The following CHD7 variants were observed in gnomAD, a reference collection of about 807,000 sequenced individuals.
CHD7 encodes the protein chromodomain helicase DNA binding protein 7, also known as ATP-dependent chromatin remodeler CHD7.
CHD7 carries 24 observed loss-of-function variants against 307.3 expected under a neutral mutation model. That is an observed-to-expected ratio of 0.08 (90% CI 0.06 to 0.11). The LOEUF (loss-of-function observed/expected upper bound fraction) is 0.11. Ranked by LOEUF, CHD7 falls within the 10% of genes least tolerant of loss-of-function variation. The pLI is 1.00. For synonymous variants in CHD7, 1,363 were observed against 1,349.9 expected (o/e 1.01, Z -0.21); for missense variants, 3,106 against 3,727.1 (o/e 0.83, Z 4.34).
chr8:60,812,188 A>T (rs1055059097), intron 7 of CHD7, among the ~76,000 whole-genome samples: 8 of 152,222 alleles, frequency 5.3e-5, no homozygotes, highest in African/African-American at 1.7e-4. Flanking sequence ...TTCTAGCTTT[A>T]GTGTCATAGC....
chr8:60,853,351 C>T lies in CHD7; in HGVS notation c.6626C>T (p.Ala2209Val), dbSNP rs1405897510. 1 of 1,582,938 alleles carries T rather than the reference C, an allele frequency of 6.3e-7. No homozygotes were observed. Among genetic ancestry groups the T allele is most frequent in the African/African-American group, 1.4e-5 (1 of 73,606 alleles). The change falls in exon 31 of 38, where the codon GCA (alanine) becomes GTA (valine). Residue 2209 changes from alanine (A) to valine (V), a missense_variant. By Grantham distance (64) the Ala-to-Val change is moderately conservative. Around this residue, in one of 10 missense-constraint regions of CHD7, gnomAD observed 1,030 missense variants for 1,165.4 expected, o/e 0.88. Transcript: ENST00000423902. ...SGKESKQECE[A>V]EASSVKNELK... ...AAGGAGAGCAAGCAGGAATGTGAGG[C>T]AGAGGCCAGCTCTGTGAAAAATGAA...
intron 13 of CHD7, 64 bp downstream of exon 13, chr8:60,824,080 G>A (rs766185223): frequency 1.9e-5 from 27 of 1,424,338 alleles, no homozygotes; most frequent in Admixed American, 1.1e-4. Context: ...TGATAGTCCC[G>A]TTGCTCAGAA....
intron 1 of CHD7, among the ~76,000 whole-genome samples, chr8:60,682,344 T>A (rs544288490): frequency 6.6e-5 from 10 of 152,238 alleles, no homozygotes; most frequent in Non-Finnish European, 1.2e-4. Context: ...AAGGAAATGT[T>A]ACAACCGTTT....
chr8:60,752,272 G>A (rs1809677476), intron 2 of CHD7, among the ~76,000 whole-genome samples: 1 of 152,174 alleles, frequency 6.6e-6, no homozygotes, highest in African/African-American at 2.4e-5. Context: ...AGAAAGCATT[G>A]GAGAATATTG....
chr8:60,680,306 GC>G (rs1805540003), intron 1 of CHD7, among the ~76,000 whole-genome samples: 1 of 148,630 alleles, frequency 6.7e-6, no homozygotes, highest in African/African-American at 2.5e-5. Context: ...CGGGGATTGG[GC>G]TCGCTGGGGG....
At chr8:60,844,563 A>G (rs1465083904) in intron 21 of CHD7, among the ~76,000 whole-genome samples, 2 of 152,152 alleles carry the variant, frequency 1.3e-5, no homozygotes, top group African/African-American at 2.4e-5. Context: ...AGGCCCTCGG[A>G]TGCACTCATG....
rs368086966 is a variant in CHD7 at position 60,742,756 on chromosome 8, G to A, written c.1324G>A (p.Ala442Thr). The A allele has an allele frequency of 8.9e-5, 144 of 1,613,896 alleles. No individual in the cohort carries two copies. The highest frequency in any genetic ancestry group is 1.6e-4 in the Middle Eastern group (1 of 6,084). Residue 442 changes from alanine (A) to threonine (T), a missense_variant, in exon 2 of 38, where the codon GCC (alanine) becomes ACC (threonine). Around this residue, in one of 10 missense-constraint regions of CHD7, gnomAD observed 998 missense variants for 1,004.5 expected, o/e 0.99. Transcript: ENST00000423902. ...HPQPSHQPPG[A>T]MGIGQRNMGP... is the part of the protein sequence containing the mutation. ...TCAGCCATCTCACCAGCCCCCTGGT[G>A]CCATGGGAATCGGACAGAGGAATAT...
Position 60,742,370 on chromosome 8 carries a change from A to C in CHD7, c.938A>C (p.Tyr313Ser). The C allele has an allele frequency of 6.2e-7, 1 of 1,614,028 alleles. No homozygotes were observed. Among genetic ancestry groups the C allele is most frequent in the Non-Finnish European group, 8.5e-7 (1 of 1,179,880 alleles). Residue 313 changes from tyrosine to serine, a missense_variant, in exon 2 of 38, where the codon TAT (tyrosine) becomes TCT (serine). Transcript: ENST00000423902. ...AACAACTCAGGGCAGTATTCTCGAT[A>C]TCCTTACAGTAACCTAAATCAGGGA... ...TINNSGQYSR[Y>S]PYSNLNQGLV...
At chr8:60,786,291 T>C (rs1811488562) in intron 3 of CHD7, among the ~76,000 whole-genome samples, 1 of 152,210 alleles carries the variant, frequency 6.6e-6, no homozygotes, top group South Asian at 2.1e-4. Flanking sequence ...GAGAGAGTCA[T>C]CAGCTGCTTT....
chr8:60,714,355 G>C (rs1807454495), intron 1 of CHD7, among the ~76,000 whole-genome samples: 1 of 129,480 alleles, frequency 7.7e-6, no homozygotes, highest in African/African-American at 2.9e-5. Context: ...GCCACTTCCT[G>C]ACCGGAAGGC....
Position 60,844,977 on chromosome 8 carries a change from A to G in CHD7, c.4964A>G (p.Lys1655Arg), listed in dbSNP as rs2150793221. Residue 1655 changes from lysine to arginine, a missense_variant, in exon 22 of 38, where the codon AAA becomes AGA. Coordinates refer to ENST00000423902, the MANE Select transcript of CHD7 (RefSeq NM_017780.4). ...TILVYCLNHY[K>R]GDENIKSFIW... is the part of the protein sequence containing the mutation. Reference sequence around the variant, plus strand: ...CTGGTGTACTGTCTTAATCATTACAAAGGGGATGAGAATATCAAAAGCTTC... The same window carrying G: ...CTGGTGTACTGTCTTAATCATTACAGAGGGGATGAGAATATCAAAAGCTTC... 3 of 1,613,970 alleles carry G rather than the reference A, an allele frequency of 1.9e-6. No homozygotes were observed. Among genetic ancestry groups the G allele is most frequent in the East Asian group, 2.2e-5 (1 of 44,884 alleles).
intron 8 of CHD7, among the ~76,000 whole-genome samples, chr8:60,819,293 G>C (rs980853355): frequency 3.9e-5 from 6 of 152,076 alleles, no homozygotes; most frequent in Non-Finnish European, 8.8e-5. Flanking sequence ...TTTTATATGA[G>C]ATACCTTTGC....
intron 21 of CHD7, among the ~76,000 whole-genome samples, chr8:60,843,646 G>A (rs1222203732): frequency 1.3e-5 from 2 of 152,222 alleles, no homozygotes; most frequent in Non-Finnish European, 2.9e-5. Context: ...CTGCTGTGGA[G>A]CATAGAGCCT....
chr8:60,690,760 T>C (rs1806154342), intron 1 of CHD7, among the ~76,000 whole-genome samples: 1 of 152,168 alleles, frequency 6.6e-6, no homozygotes, highest in Non-Finnish European at 1.5e-5. Flanking sequence ...ATTTTCATTT[T>C]TGTTGTTGTT....
In CHD7 at chr8:60,845,457, C is replaced by A. The variant is rs778317035; in HGVS notation, c.5210+48C>A. ...TGGAGAGCTTAATTCCCTTTTTATT[C>A]TTTAAAAAATACATGCAGCCGGCCC... On this transcript the variant is annotated intron_variant, in intron 23 of 37. Transcript: ENST00000423902. 9.5e-6 allele frequency: 15 copies of A among 1,573,434 alleles called. No individual in the cohort carries two copies. The South Asian group carries it at 1.7e-4, about 18-fold the overall frequency.
At chr8:60,758,500 G>A (rs1810004932) in intron 2 of CHD7, among the ~76,000 whole-genome samples, 1 of 152,174 alleles carries the variant, frequency 6.6e-6, no homozygotes, top group Non-Finnish European at 1.5e-5. Context: ...TTGAGAAGTT[G>A]TTGAGCTCAT....
intron 1 of CHD7, among the ~76,000 whole-genome samples, chr8:60,720,006 A>G (rs889392113): frequency 3.3e-5 from 5 of 152,254 alleles, no homozygotes; most frequent in African/African-American, 1.2e-4. Context: ...AAATTCAGGT[A>G]CATTAATTAA....
intron 1 of CHD7, among the ~76,000 whole-genome samples, chr8:60,731,894 T>G (rs150847291): frequency 2.5e-3 from 375 of 152,374 alleles, no homozygotes; most frequent in Admixed American, 4.7e-3. Context: ...ATTTCTTTTT[T>G]GCATTGCCTT....
At chr8:60,696,007 A>T (rs1453425981) in intron 1 of CHD7, among the ~76,000 whole-genome samples, 9 of 152,212 alleles carry the variant, frequency 5.9e-5, no homozygotes, top group Admixed American at 5.9e-4. Context: ...GTCAACTGTT[A>T]TAAGCCACAG....
Sources: gnomAD v4.1 joint callset for allele counts (sites outside exome capture counted in the v4.1 genomes callset) on GRCh38, gnomAD v4.1.1 for gene constraint, gnomAD v4.1.1 regional missense constraint, MANE v1.5 for transcripts, NCBI Gene and HGNC (gene_info 2026-07-23, HGNC 2026-07-21) for gene names.